The following KAZN variants were observed in gnomAD, a reference collection of about 807,000 sequenced individuals.
The protein encoded by KAZN is kazrin.
A neutral mutation model predicts 87.4 loss-of-function variants in KAZN; 40 were observed. The ratio of observed to expected loss-of-function variants is 0.46; its 90% CI spans 0.36 to 0.60. The LOEUF is 0.60. Among genes scored for constraint, KAZN ranks in the 20% least tolerant of loss-of-function variants. KAZN has a pLI of 0.00. For synonymous variants in KAZN, 466 were observed against 458.3 expected (o/e 1.02, Z -0.22); for missense variants, 898 against 1,073.9 (o/e 0.84, Z 2.29).
intron 1 of KAZN, among the ~76,000 whole-genome samples, chr1:14,959,273 A>T (rs61481650): frequency 0.087 from 13,252 of 152,226 alleles, 1,886 homozygotes; most frequent in African/African-American, 0.3. Context: ...CACGCAGGTG[A>T]TGTGGAGTAG....
At chr1:15,060,845 T>G (rs1300040205) in intron 6 of KAZN, 1 of 154,232 alleles carries the variant, frequency 6.5e-6, no homozygotes, top group African/African-American at 2.4e-5. Context: ...TGATGACTAG[T>G]GGGGCAGACA....
intron 8 of KAZN, among the ~76,000 whole-genome samples, chr1:15,071,262 T>G (rs1462651687): frequency 1.3e-5 from 2 of 151,288 alleles, no homozygotes; most frequent in African/African-American, 4.9e-5. Flanking sequence ...TCTTTTTTTT[T>G]CTTTTTTGAG....
chr1:13,927,075 C>G (rs1640308372), intron 1 of KAZN, among the ~76,000 whole-genome samples: 1 of 152,194 alleles, frequency 6.6e-6, no homozygotes, highest in South Asian at 2.1e-4. Context: ...AAAGAGATGT[C>G]ACATTTTCAG....
intron 2 of KAZN, among the ~76,000 whole-genome samples, chr1:14,434,211 TG>T (rs1666248087): frequency 6.6e-6 from 1 of 152,208 alleles, no homozygotes; most frequent in Admixed American, 6.5e-5. Flanking sequence ...ATTTCCAGTT[TG>T]GGGCTATCAT....
intron 1 of KAZN, among the ~76,000 whole-genome samples, chr1:13,918,289 G>A (rs573400983): frequency 1.3e-5 from 2 of 152,326 alleles, no homozygotes; most frequent in African/African-American, 4.8e-5. Context: ...TTTGGAAGAA[G>A]TTGATTCTAA....
chr1:14,801,238 C>G (rs1646007040), intron 1 of KAZN, among the ~76,000 whole-genome samples: 1 of 152,044 alleles, frequency 6.6e-6, no homozygotes, highest in Admixed American at 6.5e-5. Context: ...CTTTCTCTCT[C>G]CGTCACCGCT....
chr1:14,863,030 G>T (rs1193564239), intron 1 of KAZN, among the ~76,000 whole-genome samples: 1 of 151,976 alleles, frequency 6.6e-6, no homozygotes, highest in African/African-American at 2.4e-5. Flanking sequence ...TGCTCCCGTG[G>T]TTCCATTTAT....
At chr1:14,944,651 A>G (rs555489765) in intron 1 of KAZN, among the ~76,000 whole-genome samples, 20 of 152,302 alleles carry the variant, frequency 1.3e-4, no homozygotes, top group African/African-American at 4.1e-4. Flanking sequence ...CCAGACTCCT[A>G]TGTGACCCAG....
At chr1:14,335,756 C>CAGAGAGAG (rs201454445) in intron 2 of KAZN, among the ~76,000 whole-genome samples, 2 of 150,968 alleles carry the variant, frequency 1.3e-5, no homozygotes, top group East Asian at 1.9e-4. Flanking sequence ...CGCACACACA[C>CAGAGAGAG]ACACAGAGAG....
intron 1 of KAZN, among the ~76,000 whole-genome samples, chr1:14,080,041 G>A (rs1557458674): frequency 1.4e-5 from 2 of 144,462 alleles, no homozygotes; most frequent in Middle Eastern, 3.2e-3. Flanking sequence ...ATATCACATT[G>A]GTGATTAGGT....
intron 1 of KAZN, among the ~76,000 whole-genome samples, chr1:14,907,172 G>T (rs865970644): frequency 1.9e-4 from 29 of 152,022 alleles, no homozygotes; most frequent in Middle Eastern, 6.8e-3. Context: ...GAGGCTGGTG[G>T]ATCACTTGAG....
rs966782150 is a variant in KAZN at position 15,096,784 on chromosome 1, C to A, written c.1547+1851C>A. On this transcript the variant is annotated intron_variant, in intron 10 of 14. Transcript: ENST00000376030. This position sits in a 1 kb window ranked among gnomAD's most constrained non-coding sequence, Gnocchi z 4.5. The stretch of plus-strand genomic sequence containing the variant: ...TCTCTTCCTGTAAGGACAATAATCC[C>A]ATCATGAAGGGCACCCCTATGACCT... Among the ~76,000 whole-genome samples, 13 of 152,176 alleles carry A rather than the reference C, an allele frequency of 8.5e-5. No homozygotes were observed. The highest frequency in any genetic ancestry group is 2.9e-4 in the African/African-American group (12 of 41,456).
intron 2 of KAZN, among the ~76,000 whole-genome samples, chr1:14,553,896 G>T (rs1673701037): frequency 6.6e-6 from 1 of 152,182 alleles, no homozygotes; most frequent in Non-Finnish European, 1.5e-5. Context: ...TAGGTTCCGG[G>T]CATTGGTATG....
At chr1:14,779,807 C>T (rs1645280295) in intron 1 of KAZN, among the ~76,000 whole-genome samples, 1 of 152,140 alleles carries the variant, frequency 6.6e-6, no homozygotes, top group Non-Finnish European at 1.5e-5. Flanking sequence ...AGCTGATTTA[C>T]CAGTGACCTC....
At chr1:14,612,677 C>G (rs1052629412) in intron 1 of KAZN, among the ~76,000 whole-genome samples, 3 of 152,120 alleles carry the variant, frequency 2.0e-5, no homozygotes, top group Admixed American at 1.3e-4. Context: ...CCAGATAATT[C>G]TTTGTTGTGG....
At chr1:14,327,433 TATGGCGAATTCCCTCTCATCC>T in intron 2 of KAZN, among the ~76,000 whole-genome samples, 1 of 152,298 alleles carries the variant, frequency 6.6e-6, no homozygotes, top group African/African-American at 2.4e-5. Flanking sequence ...CCTCATTTGC[TATGGCGAATTCCCTCTCATCC>T]CCCTAGCGGG....
intron 1 of KAZN, among the ~76,000 whole-genome samples, chr1:14,825,403 C>T (rs1281888193): frequency 2.0e-5 from 3 of 152,204 alleles, no homozygotes; most frequent in Non-Finnish European, 2.9e-5. Context: ...ATCCCACACT[C>T]TCTCTAGACT....
At chr1:14,839,733 G>A (rs56284241) in intron 1 of KAZN, among the ~76,000 whole-genome samples, 11,239 of 152,138 alleles carry the variant, frequency 0.074, 948 homozygotes, top group African/African-American at 0.21. Context: ...ATTTTTCTCT[G>A]ACTAATCCTC....
chr1:14,507,904 T>G (rs1446489240), intron 2 of KAZN, among the ~76,000 whole-genome samples: 2 of 151,766 alleles, frequency 1.3e-5, no homozygotes, highest in Admixed American at 1.3e-4. Context: ...GAGGTGGAGC[T>G]TGCAGTGAGT....
Sources: gnomAD v4.1 joint callset for allele counts (sites outside exome capture counted in the v4.1 genomes callset) on GRCh38, gnomAD v4.1.1 for gene constraint, Gnocchi (gnomAD v3.1) non-coding constraint, MANE v1.5 for transcripts, NCBI Gene and HGNC (gene_info 2026-07-23, HGNC 2026-07-21) for gene names.